Variants in ALPK3 observed in about 807,000 individuals in gnomAD.
ALPK3 encodes the protein alpha kinase 3.
A neutral mutation model predicts 140.0 loss-of-function variants in ALPK3; 102 were observed. The observed-to-expected ratio is 0.73, with a 90% CI of 0.62 to 0.86. The LOEUF is 0.86. ALPK3 is among the 40% of genes least tolerant of loss of function. ALPK3 has a pLI of 0.00. For synonymous variants in ALPK3, 938 were observed against 898.5 expected, an observed-to-expected ratio of 1.04 and a Z score of -0.79; for missense variants, 2,254 against 2,208.2, an observed-to-expected ratio of 1.02 and a Z score of -0.42.
At chr15:84,818,538 T>A (rs1963387226) in intron 1 of ALPK3, among the ~76,000 whole-genome samples, 1 of 152,142 alleles carries the variant, frequency 6.6e-6, no homozygotes. Flanking sequence ...GAACTTGACT[T>A]GTGTATTATG....
At chr15:84,830,867 T>TTG (rs71453269) in intron 3 of ALPK3, among the ~76,000 whole-genome samples, 27,720 of 151,330 alleles carry the variant, frequency 0.18, 3,163 homozygotes, top group Middle Eastern at 0.35. Context: ...CCAACTTATT[T>TTG]TGTGTGTGTG....
chr15:84,841,939 AATAG>A lies in ALPK3; in HGVS notation c.1653+1013_1653+1016del, dbSNP rs138783114. On this transcript the variant is annotated intron_variant, in intron 5 of 13. Transcript: ENST00000258888. ...TCAAGAGTGGGGCTGGGGTGGATAA[AATAG>A]ATAGAACATATTTACACTGAGACAA... 2.8e-3 allele frequency among the ~76,000 whole-genome samples: 423 copies of A among 152,370 alleles called. 1 individual carries two copies. Among genetic ancestry groups the A allele is most frequent in the African/African-American group, 9.7e-3 (405 of 41,584 alleles).
intron 1 of ALPK3, among the ~76,000 whole-genome samples, chr15:84,818,009 T>C (rs1031637814): frequency 6.6e-6 from 1 of 151,784 alleles, no homozygotes; most frequent in African/African-American, 2.4e-5. Flanking sequence ...AGGGAGAGGG[T>C]GCTGGGGGGC....
rs1308744972 is a variant in ALPK3, at chr15:84,864,587, G to A, written c.4645G>A (p.Ala1549Thr). 1 of 1,614,204 alleles carries A rather than the reference G, an allele frequency of 6.2e-7. No homozygotes were observed. The highest frequency in any genetic ancestry group is 8.5e-7 in the Non-Finnish European group (1 of 1,180,036). ...EAPTASGSSEAMQKCQTFQHW... is the reference protein window; with the variant it reads ...EAPTASGSSETMQKCQTFQHW... ...TCCGACAGCATCTGGCAGCTCTGAGGCCATGCAGAAATGCCAGACCTTCCA... is the reference window on the plus strand; with the variant it reads ...TCCGACAGCATCTGGCAGCTCTGAGACCATGCAGAAATGCCAGACCTTCCA... The change falls in exon 12 of 14, where the codon GCC (alanine) becomes ACC (threonine). Residue 1549 changes from alanine to threonine, a missense_variant. Coordinates refer to ENST00000258888, the MANE Select transcript of ALPK3 (RefSeq NM_020778.5).
At chr15:84,855,637 A>G (rs1458822036) in intron 5 of ALPK3, among the ~76,000 whole-genome samples, 1 of 151,842 alleles carries the variant, frequency 6.6e-6, no homozygotes. Flanking sequence ...GCGAATCTGA[A>G]CTCTGCCACT....
In ALPK3 at chr15:84,827,487, C is replaced by G; in HGVS notation, c.186C>G (p.Ser62Arg). The change falls in exon 3 of 14, where the codon AGC becomes AGG. Residue 62 changes from serine to arginine, a missense_variant. This residue lies in a region of ALPK3 where 2,088 missense variants were observed against 2,022.9 expected (regional missense o/e 1.03). Transcript: ENST00000258888. ...NRLSHPSSGR[S>R]TFCSIIAQLT... Reference sequence around the variant, plus strand: ...AATAGCTCTTTGCCTCTCTTAGGAGCACCTTCTGCTCCATCATTGCTCAGC... The same window carrying G: ...AATAGCTCTTTGCCTCTCTTAGGAGGACCTTCTGCTCCATCATTGCTCAGC... The G allele has an allele frequency of 2.5e-6, 4 of 1,614,162 alleles. No homozygotes were observed. The highest frequency in any genetic ancestry group is 3.4e-6 in the Non-Finnish European group (4 of 1,180,040).
intron 5 of ALPK3, among the ~76,000 whole-genome samples, chr15:84,850,433 A>T (rs1963789075): frequency 6.6e-6 from 1 of 152,084 alleles, no homozygotes; most frequent in African/African-American, 2.4e-5. Flanking sequence ...CCCAGGCTGG[A>T]GTGCAAGTGT....
chr15:84,839,537 T>G (rs1283940483), intron 4 of ALPK3, among the ~76,000 whole-genome samples, 165 bp from the exon 5 acceptor site: 2 of 151,914 alleles, frequency 1.3e-5, no homozygotes, highest in African/African-American at 2.4e-5. Flanking sequence ...TCAGCTGTAA[T>G]GGAGGGTGTT....
At chr15:84,859,726 C>G (rs1963919052) in intron 7 of ALPK3, 50 bp from the exon 8 acceptor site, 1 of 1,567,352 alleles carries the variant, frequency 6.4e-7, no homozygotes, top group African/African-American at 1.3e-5. Flanking sequence ...CTTAGGACCA[C>G]AGTCTGCCCC....
chr15:84,838,884 A>G, intron 3 of ALPK3, 96 bp from the exon 4 acceptor site: 1 of 1,014,814 alleles, frequency 9.9e-7, no homozygotes, highest in Non-Finnish European at 1.5e-6. Flanking sequence ...AGCCTCCCAA[A>G]GTGCTGGGAT....
rs377209768 is a variant in ALPK3, at chr15:84,859,810, G to A, written c.4000G>A (p.Val1334Met). Reference protein sequence around the residue: ...GDEGPAALAIVQASPVDCGVY... With the variant: ...GDEGPAALAIMQASPVDCGVY... Reference sequence around the variant, plus strand: ...TGAGGGGCCGGCGGCCTTGGCCATCGTGCAGGCCTCCCCCGTAGACTGCGG... The same window carrying A: ...TGAGGGGCCGGCGGCCTTGGCCATCATGCAGGCCTCCCCCGTAGACTGCGG... Residue 1334 changes from valine (V) to methionine (M), a missense_variant, in exon 8 of 14, where the codon GTG (valine) becomes ATG (methionine). By Grantham distance (21) the Val-to-Met change is conservative. This residue lies in a region of ALPK3 where 2,088 missense variants were observed against 2,022.9 expected (regional missense o/e 1.03). Coordinates refer to ENST00000258888, the MANE Select transcript of ALPK3 (RefSeq NM_020778.5). 8.7e-6 allele frequency: 14 copies of A among 1,613,618 alleles called. No individual in the cohort carries two copies. Among genetic ancestry groups the A allele is most frequent in the Middle Eastern group, 3.3e-4 (2 of 6,026 alleles).
In ALPK3 at chr15:84,857,327, G is replaced by T; in HGVS notation, c.2589G>T (p.Glu863Asp). ...GGCPLAGLSQ[E>D]VPTMPSLPGT... ...GTCCTCTAGCTGGCCTGAGCCAGGAGGTACCCACGATGCCTTCTCTTCCTG... is the reference window on the plus strand; with the variant it reads ...GTCCTCTAGCTGGCCTGAGCCAGGATGTACCCACGATGCCTTCTCTTCCTG... The change falls in exon 6 of 14, where the codon GAG (glutamate) becomes GAT (aspartate). Residue 863 changes from glutamate to aspartate, a missense_variant. Transcript: ENST00000258888. 1.2e-6 allele frequency: 2 copies of T among 1,614,176 alleles called. No homozygotes were observed. Among genetic ancestry groups the T allele is most frequent in the Non-Finnish European group, 1.7e-6 (2 of 1,180,030 alleles).
In ALPK3 at chr15:84,839,850, G is replaced by C; in HGVS notation, c.571G>C (p.Ala191Pro). ...CGCCAAGTTGAAGCGCAAGGCTGCG[G>C]CAAAGCTGCGCGAGATCGAGCAGAG... ...WFAKLKRKAA[A>P]KLREIEQSWK... The change falls in exon 5 of 14, where the codon GCA (alanine) becomes CCA (proline). Residue 191 changes from alanine to proline, a missense_variant. Ala to Pro is a conservative substitution (Grantham distance 27, BLOSUM62 -1). Transcript: ENST00000258888. The C allele has an allele frequency of 6.2e-7, 1 of 1,614,132 alleles. No individual in the cohort carries two copies. Among genetic ancestry groups the C allele is most frequent in the African/African-American group, 1.3e-5 (1 of 75,068 alleles).
chr15:84,856,457 C>A lies in ALPK3; in HGVS notation c.1719C>A (p.Ser573=), dbSNP rs1478402163. 6.2e-7 allele frequency: 1 copy of A among 1,613,998 alleles called. No individual in the cohort carries two copies. Among genetic ancestry groups the A allele is most frequent in the Non-Finnish European group, 8.5e-7 (1 of 1,179,942 alleles). ...MSASSSSDVA[S]IGVSTSGSQG... is the part of the protein sequence containing the mutation. ...CCAGCAGCAGCTCTGATGTAGCCTC[C>A]ATTGGGGTTAGCACTTCCGGAAGTC... is the stretch of plus-strand genomic sequence containing the variant. The change falls in exon 6 of 14, where the codon TCC becomes TCA. Residue 573 remains serine, a synonymous_variant. Coordinates refer to ENST00000258888, the MANE Select transcript of ALPK3 (RefSeq NM_020778.5).
In ALPK3 at chr15:84,849,096, C is replaced by T. The variant is rs141713286; in HGVS notation, c.1654-7296C>T. ...GGTGGAGGTTGCGTTGAGTCGAGAT[C>T]ACGCCATTGCACTCCAGCCTGGGCA... is the stretch of plus-strand genomic sequence containing the variant. On this transcript the variant is annotated intron_variant, in intron 5 of 13. Transcript: ENST00000258888. 6.6e-3 allele frequency among the ~76,000 whole-genome samples: 1,009 copies of T among 151,842 alleles called. 17 individuals are homozygous for T. Among genetic ancestry groups the T allele is most frequent in the African/African-American group, 0.023 (956 of 41,426 alleles).
intron 5 of ALPK3, among the ~76,000 whole-genome samples, chr15:84,854,666 T>C (rs954668912): frequency 3.9e-5 from 6 of 152,174 alleles, no homozygotes; most frequent in Admixed American, 3.9e-4. Context: ...ATCCTCTATT[T>C]CTGTTACTTG....
chr15:84,861,094 T>G (rs1211312955), intron 9 of ALPK3, among the ~76,000 whole-genome samples: 1 of 152,240 alleles, frequency 6.6e-6, no homozygotes, highest in Non-Finnish European at 1.5e-5. Context: ...AAACATCCAG[T>G]CAGATTTCCC....
At chr15:84,834,662 G>C (rs1255082897) in intron 3 of ALPK3, among the ~76,000 whole-genome samples, 1 of 152,240 alleles carries the variant, frequency 6.6e-6, no homozygotes, top group Admixed American at 6.5e-5. Flanking sequence ...TTGGGACAAG[G>C]CTGCAAGTTT....
intron 3 of ALPK3, among the ~76,000 whole-genome samples, chr15:84,836,897 G>C (rs770313435): frequency 3.9e-5 from 6 of 152,200 alleles, no homozygotes; most frequent in Non-Finnish European, 5.9e-5. Flanking sequence ...GGGGAGGACT[G>C]ATGAAGAGCT....
Sources: gnomAD v4.1 joint callset for allele counts (sites outside exome capture counted in the v4.1 genomes callset) on GRCh38, gnomAD v4.1.1 for gene constraint, gnomAD v4.1.1 regional missense constraint, MANE v1.5 for transcripts, NCBI Gene and HGNC (gene_info 2026-07-23, HGNC 2026-07-21) for gene names.